The following ZC4H2 variants were observed in gnomAD, a reference collection of about 807,000 sequenced individuals.
ZC4H2 encodes the protein zinc finger C4H2-type containing, also known as zinc finger C4H2 domain-containing protein.
For missense variants in ZC4H2, 137 were observed against 173.9 expected (o/e 0.79, Z 1.19); for synonymous variants, 84 against 66.3 (o/e 1.27, Z -1.30).
At chrX:64,959,505 T>C (rs1931291729) in intron 1 of ZC4H2, among the ~76,000 whole-genome samples, 1 of 106,417 alleles carries the variant, frequency 9.4e-6, no homozygotes, top group Admixed American at 1.0e-4. Flanking sequence ...AAAATTTACA[T>C]TTTATACAAA....
At chrX:64,945,324 T>G (rs1310228710) in intron 1 of ZC4H2, among the ~76,000 whole-genome samples, 1 of 112,531 alleles carries the variant, frequency 8.9e-6, no homozygotes, top group Admixed American at 9.4e-5. Context: ...GTTTTCCTTC[T>G]AACAGTGAGT....
At chrX:64,967,231 T>A (rs1005615193) in intron 1 of ZC4H2, among the ~76,000 whole-genome samples, 1 of 111,744 alleles carries the variant, frequency 8.9e-6, no homozygotes, top group Non-Finnish European at 1.9e-5. Context: ...AGGATTTGCA[T>A]CTAATTCCCA....
At chrX:64,973,668 T>G (rs1403486736) in intron 1 of ZC4H2, among the ~76,000 whole-genome samples, 1 of 111,243 alleles carries the variant, frequency 9.0e-6, no homozygotes, top group Non-Finnish European at 1.9e-5. Context: ...ACTATCATCT[T>G]TTTTTAGGGT....
At position 65,012,201 on chromosome X, in the gene ZC4H2, C is replaced by T. The variant is rs1164479802; in HGVS notation, c.-272+22428G>A. 1.3e-4 allele frequency among the ~76,000 whole-genome samples: 11 copies of T among 83,984 alleles called. No homozygotes were observed. The Admixed American group carries it at 1.4e-3, about 11-fold the overall frequency. The allele number at this position is 83,984 out of a possible 115,157, so 72.9% of individuals were successfully genotyped here. ...CGAGATTGTGCCACTGCACTCCAGCCTGGGTGACAGAAGACCCCGTCTCAA... is the reference window on the plus strand; with the variant it reads ...CGAGATTGTGCCACTGCACTCCAGCTTGGGTGACAGAAGACCCCGTCTCAA... On this transcript the variant is annotated intron_variant, in intron 1 of 4. Coordinates refer to the ZC4H2 transcript ENST00000337990.
At chrX:64,970,171 A>G (rs1264370693) in intron 1 of ZC4H2, among the ~76,000 whole-genome samples, 2 of 112,350 alleles carry the variant, frequency 1.8e-5, no homozygotes, top group African/African-American at 6.5e-5. Context: ...TTGCCTAAGT[A>G]CTAAGCATTC....
At chrX:64,979,286 T>G (rs1932039329), upstream of ZC4H2, among the ~76,000 whole-genome samples, 1 of 112,000 alleles carries the variant, frequency 8.9e-6, no homozygotes, top group Non-Finnish European at 1.9e-5. Context: ...AGCCAGAAGG[T>G]GCACTCCAAT....
chrX:64,980,755 C>G (rs1181764666), upstream of ZC4H2, among the ~76,000 whole-genome samples: 1 of 111,154 alleles, frequency 9.0e-6, no homozygotes, highest in African/African-American at 3.3e-5. Context: ...TTTAGAGAGT[C>G]TGCCTCCAGA....
chrX:64,922,893 C>G (rs1369827955), intron 1 of ZC4H2, among the ~76,000 whole-genome samples: 1 of 111,531 alleles, frequency 9.0e-6, no homozygotes, highest in Non-Finnish European at 1.9e-5. Context: ...TATTAGACAG[C>G]ACAACTCTAG....
intron 1 of ZC4H2, among the ~76,000 whole-genome samples, chrX:65,020,197 A>G (rs899545028): frequency 9.0e-6 from 1 of 111,564 alleles, no homozygotes; most frequent in Non-Finnish European, 1.9e-5. Context: ...CATCACAAAG[A>G]TACTCCTTGA....
chrX:64,924,754 A>G (rs1444160325), intron 1 of ZC4H2, among the ~76,000 whole-genome samples: 2 of 111,028 alleles, frequency 1.8e-5, no homozygotes, highest in Non-Finnish European at 3.8e-5. Flanking sequence ...GAAGAAGAAT[A>G]TGGCACATTA....
intron 1 of ZC4H2, among the ~76,000 whole-genome samples, chrX:64,951,249 G>A (rs143313783): frequency 0.037 from 4,122 of 112,098 alleles, 182 homozygotes; most frequent in African/African-American, 0.13. Context: ...ATTGTGAATA[G>A]TGCCACAACA....
chrX:64,964,500 A>T (rs1010132244), intron 1 of ZC4H2, among the ~76,000 whole-genome samples: 1 of 111,798 alleles, frequency 8.9e-6, no homozygotes, highest in Admixed American at 9.5e-5. Context: ...TGGAAGCAAG[A>T]TGACAGTGGT....
intron 1 of ZC4H2, among the ~76,000 whole-genome samples, chrX:64,927,232 G>A (rs918768225): frequency 1.2e-4 from 13 of 110,236 alleles, no homozygotes; most frequent in African/African-American, 4.0e-4. Flanking sequence ...TTGCTGCACC[G>A]ATCAACCCGT....
At chrX:64,963,269 C>A (rs1415865150) in intron 1 of ZC4H2, among the ~76,000 whole-genome samples, 2 of 111,752 alleles carry the variant, frequency 1.8e-5, no homozygotes, top group Non-Finnish European at 3.8e-5. Context: ...TTATACCATA[C>A]ACAGAAATTA....
Position 64,917,728 on chromosome X carries a change from C to T in ZC4H2, c.*55G>A, listed in dbSNP as rs1339831504. 1 of 1,179,759 alleles carries T rather than the reference C, an allele frequency of 8.5e-7. No homozygotes were observed. Among genetic ancestry groups the T allele is most frequent in the Non-Finnish European group, 1.1e-6 (1 of 879,583 alleles). On this transcript the variant is annotated 3_prime_UTR_variant, in exon 5 of 5. Coordinates refer to ENST00000374839, the MANE Select transcript of ZC4H2 (RefSeq NM_018684.4). ...TTGTTTCACATCAGGACATCAATGACTCTGGTCAAGGTGAGGGGTTATAAT... is the reference window on the plus strand; with the variant it reads ...TTGTTTCACATCAGGACATCAATGATTCTGGTCAAGGTGAGGGGTTATAAT...
intron 1 of ZC4H2, among the ~76,000 whole-genome samples, chrX:64,990,376 G>A (rs2147272948): frequency 9.0e-6 from 1 of 111,512 alleles, no homozygotes; most frequent in African/African-American, 3.3e-5. Context: ...TAGTGGGAGG[G>A]AAGTAGGTGT....
intron 1 of ZC4H2, among the ~76,000 whole-genome samples, chrX:65,023,973 GTA>G: frequency 1.8e-5 from 2 of 111,467 alleles, no homozygotes. Flanking sequence ...GGATGAATTT[GTA>G]AACCATCATT....
intron 1 of ZC4H2, among the ~76,000 whole-genome samples, chrX:64,986,314 C>A (rs751566785): frequency 2.7e-5 from 3 of 112,079 alleles, no homozygotes; most frequent in Non-Finnish European, 5.6e-5. Context: ...GCTCTGCCTT[C>A]CATGTTTCAA....
intron 1 of ZC4H2, among the ~76,000 whole-genome samples, chrX:64,992,967 T>G (rs1269907198): frequency 9.0e-6 from 1 of 110,921 alleles, no homozygotes; most frequent in Non-Finnish European, 1.9e-5. Flanking sequence ...AAGCTAAACT[T>G]AGTGATGTCA....
Sources: gnomAD v4.1 joint callset for allele counts (sites outside exome capture counted in the v4.1 genomes callset) on GRCh38, gnomAD v4.1.1 for gene constraint, MANE v1.5 for transcripts, NCBI Gene and HGNC (gene_info 2026-07-23, HGNC 2026-07-21) for gene names.